The following GAS7 variants were observed in gnomAD, a reference collection of about 807,000 sequenced individuals.
GAS7 encodes the protein growth arrest specific 7, also known as growth arrest-specific protein 7.
GAS7 carries 28 observed loss-of-function variants against 71.1 expected under a neutral mutation model. The ratio of observed to expected loss-of-function variants is 0.39; its 90% CI spans 0.29 to 0.54. GAS7 has a LOEUF of 0.54. Ranked by LOEUF, GAS7 falls within the 20% of genes least tolerant of loss-of-function variation. The pLI, the probability that GAS7 is intolerant of heterozygous loss-of-function variation, is 0.62. For synonymous variants in GAS7, 258 were observed against 245.8 expected (o/e 1.05, Z -0.46); for missense variants, 436 against 627.8 (o/e 0.69, Z 3.27).
chr17:10,192,251 C>A (rs571556591), intron 1 of GAS7, among the ~76,000 whole-genome samples: 2 of 152,296 alleles, frequency 1.3e-5, no homozygotes, highest in Admixed American at 1.3e-4. Context: ...TGCAGGGAGA[C>A]AGAGAAATAT....
rs2069885214 is a variant in GAS7 at position 9,969,830 on chromosome 17, C to G, written c.386-68G>C. The G allele has an allele frequency of 1.0e-6, 1 of 995,398 alleles. No individual in the cohort carries two copies. The highest frequency in any genetic ancestry group is 1.7e-5 in the Admixed American group (1 of 58,064). 61.7% of individuals were successfully genotyped at this position (995,398 alleles called of 1,614,324 possible). On this transcript the variant is annotated intron_variant, in intron 3 of 13. Transcript: ENST00000432992. This position sits in a 1 kb window ranked among gnomAD's most constrained non-coding sequence, Gnocchi z 5.5. ...GATGGGCACCCCCGCCTTTCGTCCACTGCAGCCCCTTTTCCCACCTCCTTC... is the reference window on the plus strand; with the variant it reads ...GATGGGCACCCCCGCCTTTCGTCCAGTGCAGCCCCTTTTCCCACCTCCTTC...
intron 3 of GAS7, among the ~76,000 whole-genome samples, chr17:9,976,215 C>A (rs2070196819): frequency 6.6e-6 from 1 of 152,238 alleles, no homozygotes; most frequent in Admixed American, 6.5e-5. Flanking sequence ...TAGTGAAACA[C>A]CTGTGGCTGC....
In GAS7 at chr17:9,926,650, C is replaced by G. The variant is rs763662823; in HGVS notation, c.1005G>C (p.Ser335=). 2.5e-6 allele frequency: 4 copies of G among 1,613,426 alleles called. No individual in the cohort carries two copies. Among genetic ancestry groups the G allele is most frequent in the East Asian group, 2.2e-5 (1 of 44,896 alleles). The change falls in exon 10 of 14, where the codon TCG becomes TCC. Residue 335 remains serine (S), a synonymous_variant. Coordinates refer to ENST00000432992, the MANE Select transcript of GAS7 (RefSeq NM_201433.2). The surrounding 1 kb of genome is among the most constrained non-coding windows in gnomAD (Gnocchi z 5.0). ...LRKQLASRYA[S]VEKARKALTE... The stretch of plus-strand genomic sequence containing the variant: ...GTCCTGGGCCTCTCACCTTCTCCAC[C>G]GAGGCATAGCGGCTGGCGAGCTGCT...
intron 1 of GAS7, among the ~76,000 whole-genome samples, chr17:10,092,993 T>G (rs2073600020): frequency 6.6e-6 from 1 of 152,180 alleles, no homozygotes; most frequent in Non-Finnish European, 1.5e-5. Context: ...TCTTGCCATA[T>G]AAGGTAAGTT....
intron 8 of GAS7, among the ~76,000 whole-genome samples, chr17:9,937,207 T>C (rs1046863412): frequency 2.0e-5 from 3 of 152,212 alleles, no homozygotes; most frequent in African/African-American, 4.8e-5. Flanking sequence ...GATGCATGTA[T>C]GTGAGCTTGC....
rs567927317 is a variant in GAS7 at position 9,915,554 on chromosome 17, A to C, written c.*1674T>G. The C allele has an allele frequency of 5.8e-5, 13 of 225,484 alleles. No homozygotes were observed. The highest frequency in any genetic ancestry group is 2.7e-4 in the African/African-American group (12 of 45,010). The allele number at this position is 225,484 out of a possible 1,614,324, so 14.0% of individuals were successfully genotyped here. A position where few individuals can be genotyped will look rare whatever the true frequency, so the allele number is the denominator to read the frequency against. Reference sequence around the variant, plus strand: ...AGAGAAAAGTGACAACGTTTGGTTTACTTTAGTATATTAGGCATTTTTCTA... The same window carrying C: ...AGAGAAAAGTGACAACGTTTGGTTTCCTTTAGTATATTAGGCATTTTTCTA... On this transcript the variant is annotated 3_prime_UTR_variant, in exon 14 of 14. Transcript: ENST00000432992.
intron 1 of GAS7, among the ~76,000 whole-genome samples, chr17:10,142,039 T>C (rs564638081): frequency 2.6e-4 from 40 of 151,910 alleles, no homozygotes; most frequent in Admixed American, 1.7e-3. Flanking sequence ...CCATCCTGGC[T>C]AACATGGTGA....
intron 1 of GAS7, among the ~76,000 whole-genome samples, chr17:10,074,637 T>C (rs2073372759): frequency 6.6e-6 from 1 of 152,234 alleles, no homozygotes; most frequent in Non-Finnish European, 1.5e-5. Flanking sequence ...TTCAAACGAA[T>C]TGATTCGGCA....
chr17:10,181,189 G>A (rs1001915292), intron 1 of GAS7, among the ~76,000 whole-genome samples: 14 of 148,226 alleles, frequency 9.4e-5, no homozygotes, highest in South Asian at 2.3e-4. Context: ...GTGAAACCCT[G>A]TCTCTACTAC....
chr17:10,057,289 T>A (rs1294119632), intron 1 of GAS7, among the ~76,000 whole-genome samples: 8 of 144,190 alleles, frequency 5.5e-5, no homozygotes, highest in African/African-American at 2.1e-4. Context: ...TCTGCCCGGC[T>A]GCCCAGTCTG....
At chr17:10,175,233 C>CATGTTAGT (rs1381481924) in intron 1 of GAS7, among the ~76,000 whole-genome samples, 2 of 124,870 alleles carry the variant, frequency 1.6e-5, no homozygotes, top group East Asian at 4.5e-4. Context: ...AAAAATGGGA[C>CATGTTAGT]AAGCAAACTG....
intron 1 of GAS7, among the ~76,000 whole-genome samples, chr17:10,163,660 A>G (rs1410318070): frequency 2.0e-5 from 3 of 152,062 alleles, no homozygotes; most frequent in Non-Finnish European, 4.4e-5. Flanking sequence ...GGATAGGGCC[A>G]TACTTTGAGT....
intron 2 of GAS7, among the ~76,000 whole-genome samples, chr17:9,998,385 T>C (rs552110605): frequency 9.2e-5 from 14 of 152,344 alleles, no homozygotes; most frequent in South Asian, 2.1e-4. Context: ...AAGAGTTGTA[T>C]AGAACAGGAC....
Position 10,126,382 on chromosome 17 carries a change from ACT to A in GAS7, c.183+71824_183+71825del, listed in dbSNP as rs2073947995. On this transcript the variant is annotated intron_variant, in intron 1 of 13. Transcript: ENST00000432992. ...CACACTCTTGCACACACACCCACAC[ACT>A]CACGCACATGCACACACAAACGTGC... is the stretch of plus-strand genomic sequence containing the variant. Among the ~76,000 whole-genome samples the A allele has an allele frequency of 2.7e-5, 4 of 149,328 alleles. No homozygotes were observed. In the South Asian group the frequency reaches 6.4e-4, roughly 24 times the overall value.
chr17:10,102,776 G>C (rs1299408639), intron 1 of GAS7, among the ~76,000 whole-genome samples: 1 of 149,554 alleles, frequency 6.7e-6, no homozygotes, highest in African/African-American at 2.5e-5. Context: ...TTTGGTTTCC[G>C]GGTCTTTATG....
chr17:10,172,517 TA>T (rs910930368), intron 1 of GAS7, among the ~76,000 whole-genome samples: 2 of 147,924 alleles, frequency 1.4e-5, no homozygotes, highest in African/African-American at 2.5e-5. Flanking sequence ...GGAAGCAGAT[TA>T]AAAAAAAAGA....
chr17:10,186,052 T>G (rs1291709275), intron 1 of GAS7, among the ~76,000 whole-genome samples: 1 of 149,578 alleles, frequency 6.7e-6, no homozygotes, highest in Non-Finnish European at 1.5e-5. Flanking sequence ...GCCTCCTGGT[T>G]CACGCCATTC....
chr17:10,086,093 G>A (rs755104734), intron 1 of GAS7, among the ~76,000 whole-genome samples: 8 of 152,214 alleles, frequency 5.3e-5, no homozygotes, highest in African/African-American at 1.9e-4. Context: ...CCAGGCAGGC[G>A]CGACCATGAA....
chr17:9,970,843 C>T lies in GAS7; in HGVS notation c.386-1081G>A, dbSNP rs999579189. Among the ~76,000 whole-genome samples the T allele has an allele frequency of 4.6e-5, 7 of 152,268 alleles. No individual in the cohort carries two copies. The South Asian group carries it at 1.0e-3, about 23-fold the overall frequency. On this transcript the variant is annotated intron_variant, in intron 3 of 13. Coordinates refer to ENST00000432992, the MANE Select transcript of GAS7 (RefSeq NM_201433.2). ...CAGCATGGACGGTTTCAAGCCCCAA[C>T]GCCGCTACACGCACGCTCCTGACAT...
Sources: allele counts gnomAD v4.1 joint callset (sites outside exome capture counted in the v4.1 genomes callset), GRCh38; gene constraint gnomAD v4.1.1; non-coding constraint Gnocchi (gnomAD v3.1); transcripts MANE v1.5; gene names NCBI Gene and HGNC (gene_info 2026-07-23, HGNC 2026-07-21).